Variants in CGN observed in about 807,000 individuals in gnomAD.
The protein encoded by CGN is cingulin.
A neutral mutation model predicts 157.1 loss-of-function variants in CGN; 121 were observed. The ratio of observed to expected loss-of-function variants is 0.77; its 90% CI spans 0.66 to 0.90. The LOEUF (loss-of-function observed/expected upper bound fraction) is 0.90, where lower values mean the gene tolerates loss of function less well. Ranked by LOEUF, CGN falls within the 40% of genes least tolerant of loss-of-function variation. The pLI is 0.00. For synonymous variants in CGN, 535 were observed against 607.5 expected, an observed-to-expected ratio of 0.88 and a Z score of 1.76; for missense variants, 1,424 against 1,520.9, an observed-to-expected ratio of 0.94 and a Z score of 1.06.
chr1:151,537,216 C>G lies in CGN; in HGVS notation c.3482C>G (p.Ser1161Cys), dbSNP rs1050412001. The change falls in exon 21 of 21, where the codon TCC becomes TGC. Residue 1161 changes from serine (S) to cysteine (C), a missense_variant. By Grantham distance (112) the Ser-to-Cys change is moderately radical (BLOSUM62 -1). Coordinates refer to ENST00000271636, the MANE Select transcript of CGN (RefSeq NM_020770.3). ...SLEKDSWRKASRSAAESALKN... is the reference protein window; with the variant it reads ...SLEKDSWRKACRSAAESALKN... Reference sequence around the variant, plus strand: ...TCTCTCTGAGTCAGGCGCAAAGCTTCCCGCTCAGCTGCTGAGTCAGCTCTC... The same window carrying G: ...TCTCTCTGAGTCAGGCGCAAAGCTTGCCGCTCAGCTGCTGAGTCAGCTCTC... The G allele has an allele frequency of 2.5e-6, 4 of 1,613,726 alleles. No individual in the cohort carries two copies. The highest frequency in any genetic ancestry group is 1.7e-4 in the Middle Eastern group (1 of 6,058).
Position 151,529,937 on chromosome 1 carries a change from C to T in CGN, c.2135C>T (p.Thr712Ile). Residue 712 changes from threonine (T) to isoleucine (I), a missense_variant, in exon 12 of 21, where the codon ACA (threonine) becomes ATA (isoleucine). By Grantham distance (89) the Thr-to-Ile change is moderately conservative. Coordinates refer to ENST00000271636, the MANE Select transcript of CGN (RefSeq NM_020770.3). ...KAKMVAEAEA[T>I]VLGQRRAAVE... Reference sequence around the variant, plus strand: ...AAGATGGTGGCCGAGGCAGAGGCAACAGTGCTGGGGCAGCGGCGGGCCGCA... The same window carrying T: ...AAGATGGTGGCCGAGGCAGAGGCAATAGTGCTGGGGCAGCGGCGGGCCGCA... The T allele has an allele frequency of 6.2e-7, 1 of 1,614,076 alleles. No homozygotes were observed.
chr1:151,519,432 C>T lies in CGN; in HGVS notation c.873+40C>T, dbSNP rs746328738. ...CTCCCTGACTTCTAAATGTCAGCCC[C>T]TTCTCCCTTCTCATCAGCTTTTACC... On this transcript the variant is annotated intron_variant, in intron 2 of 20. Coordinates refer to ENST00000271636, the MANE Select transcript of CGN (RefSeq NM_020770.3). The T allele has an allele frequency of 8.6e-6, 13 of 1,505,564 alleles. No individual in the cohort carries two copies. The African/African-American group carries it at 1.5e-4, about 18-fold the overall frequency. 93.3% of individuals were successfully genotyped at this position (1,505,564 alleles called of 1,614,324 possible). A position where few individuals can be genotyped will look rare whatever the true frequency, so the allele number is the denominator to read the frequency against.
upstream of CGN, chr1:151,510,436 G>A (rs985770144): frequency 7.9e-5 from 12 of 152,284 alleles, no homozygotes; most frequent in Middle Eastern, 3.4e-3. Flanking sequence ...CAGCTTTAAT[G>A]TTGTTTTAAC....
intron 14 of CGN, among the ~76,000 whole-genome samples, chr1:151,532,995 G>A (rs1664874311): frequency 6.6e-6 from 1 of 152,182 alleles, no homozygotes; most frequent in Admixed American, 6.5e-5. Flanking sequence ...TTGCAGGGTG[G>A]AGGAATATAT....
intron 10 of CGN, among the ~76,000 whole-genome samples, chr1:151,528,357 T>G (rs1252544588): frequency 6.6e-6 from 1 of 151,928 alleles, no homozygotes; most frequent in African/African-American, 2.4e-5. Flanking sequence ...TCATGGTATT[T>G]TTTTTTTTAT....
At chr1:151,534,684 TGC>T (rs1274600257) in intron 15 of CGN, 3 of 278,986 alleles carry the variant, frequency 1.1e-5, no homozygotes, top group Non-Finnish European at 2.1e-5. Context: ...TACGTGGTAC[TGC>T]CTCCAGTACC....
Position 151,524,058 on chromosome 1 carries a change from A to G in CGN, c.1269-168A>G, listed in dbSNP as rs1055685082. 6.6e-6 allele frequency among the ~76,000 whole-genome samples: 1 copy of G among 152,238 alleles called. No individual in the cohort carries two copies. The highest frequency in any genetic ancestry group is 6.5e-5 in the Admixed American group (1 of 15,288). On this transcript the variant is annotated intron_variant, in intron 6 of 20. Coordinates refer to ENST00000271636, the MANE Select transcript of CGN (RefSeq NM_020770.3). This position sits in a 1 kb window ranked among gnomAD's most constrained non-coding sequence, Gnocchi z 4.4. ...GGCAGTAAATACAACAGGGTAAGGC[A>G]GATCAGGAGGGCCAGGTTGTAGCGG... is the stretch of plus-strand genomic sequence containing the variant.
upstream of CGN, chr1:151,511,023 C>G (rs2102482599): frequency 6.6e-6 from 1 of 152,378 alleles, no homozygotes; most frequent in South Asian, 2.1e-4. The surrounding 1 kb of genome is among the most constrained non-coding windows in gnomAD (Gnocchi z 4.8). Context: ...CAGAAAGGGC[C>G]CTGGCCGGCG....
intron 15 of CGN, chr1:151,534,749 T>C (rs1316169256): frequency 8.6e-6 from 3 of 349,802 alleles, no homozygotes. Context: ...TGGGTTTCTC[T>C]CTCTTTTCCC....
chr1:151,537,476 C>A lies in CGN; in HGVS notation c.*130C>A. 2 of 690,636 alleles carry A rather than the reference C, an allele frequency of 2.9e-6. No individual in the cohort carries two copies. Among genetic ancestry groups the A allele is most frequent in the South Asian group, 4.8e-5 (2 of 42,010 alleles). The allele number at this position is 690,636 out of a possible 1,614,324, so 42.8% of individuals were successfully genotyped here. On this transcript the variant is annotated 3_prime_UTR_variant, in exon 21 of 21. Coordinates refer to ENST00000271636, the MANE Select transcript of CGN (RefSeq NM_020770.3). Reference sequence around the variant, plus strand: ...ATTCAGACCTAAGACAGGGAGGGGTCAGAGTGATGGTGATAAAAAAAAAAA... The same window carrying A: ...ATTCAGACCTAAGACAGGGAGGGGTAAGAGTGATGGTGATAAAAAAAAAAA...
intron 9 of CGN, 85 bp downstream of exon 9, chr1:151,525,875 T>A: frequency 1.0e-6 from 1 of 984,500 alleles, no homozygotes; most frequent in Non-Finnish European, 1.3e-6. Flanking sequence ...TAATTTTAAT[T>A]TTAATTTATT....
chr1:151,530,209 T>C (rs1664802808), intron 12 of CGN, 94 bp downstream of exon 12: 1 of 1,375,316 alleles, frequency 7.3e-7, no homozygotes, highest in Non-Finnish European at 1.0e-6. Context: ...TTGCCCTTAG[T>C]GTGCATCTGT....
rs770188428 is a variant in CGN at position 151,523,611 on chromosome 1, G to A, written c.1268+50G>A. On this transcript the variant is annotated intron_variant, in intron 6 of 20. Transcript: ENST00000271636. ...CGGGCTGCTTGGGGGCCTAGGCCAG[G>A]TTTAGAGGCCACTCCCTCTTTGCCC... The A allele has an allele frequency of 2.6e-6, 4 of 1,517,472 alleles. No individual in the cohort carries two copies. The South Asian group carries it at 5.2e-5, about 20-fold the overall frequency. The allele number at this position is 1,517,472 out of a possible 1,614,324, so 94.0% of individuals were successfully genotyped here.
rs536420150 is a variant in CGN, at chr1:151,530,034, G to C, written c.2232G>C (p.Gln744His). 1 of 1,614,198 alleles carries C rather than the reference G, an allele frequency of 6.2e-7. No homozygotes were observed. The highest frequency in any genetic ancestry group is 1.1e-5 in the South Asian group (1 of 91,084). The change falls in exon 12 of 21, where the codon CAG (glutamine) becomes CAC (histidine). Residue 744 changes from glutamine (Q) to histidine (H), a missense_variant. Physicochemically the swap from Gln to His is conservative, Grantham distance 24. This residue lies in a region of CGN where 1,187 missense variants were observed against 1,217.6 expected (regional missense o/e 0.97). Transcript: ENST00000271636. ...EFRRRILGLEQQLKETRGLVD... is the reference protein window; with the variant it reads ...EFRRRILGLEHQLKETRGLVD... ...GCCGGCGCATCCTGGGTTTGGAGCA[G>C]CAGCTGAAGGAGACTCGAGGTCTGG...
At position 151,524,163 on chromosome 1, in the gene CGN, A is replaced by G. The variant is rs903297996; in HGVS notation, c.1269-63A>G. 3.0e-5 allele frequency: 41 copies of G among 1,375,036 alleles called. No individual in the cohort carries two copies. Among genetic ancestry groups the G allele is most frequent in the Middle Eastern group, 1.8e-4 (1 of 5,522 alleles). The allele number at this position is 1,375,036 out of a possible 1,614,324, so 85.2% of individuals were successfully genotyped here. On this transcript the variant is annotated intron_variant, in intron 6 of 20. Coordinates refer to ENST00000271636, the MANE Select transcript of CGN (RefSeq NM_020770.3). The surrounding 1 kb of genome is among the most constrained non-coding windows in gnomAD (Gnocchi z 4.4). ...AAATGCATTAATAAATATGAATTAAAATATATGATGCGTTTAGAGAACTGC... is the reference window on the plus strand; with the variant it reads ...AAATGCATTAATAAATATGAATTAAGATATATGATGCGTTTAGAGAACTGC...
At chr1:151,529,865 C>T in intron 11 of CGN, 44 bp from the exon 12 acceptor site, 4 of 1,571,338 alleles carry the variant, frequency 2.5e-6, no homozygotes, top group Non-Finnish European at 3.5e-6. Context: ...GTCTGAGCTG[C>T]CACGCCCTGG....
Position 151,524,945 on chromosome 1 carries a change from T to C in CGN, c.1614+59T>C. On this transcript the variant is annotated intron_variant, in intron 8 of 20. Transcript: ENST00000271636. This position sits in a 1 kb window ranked among gnomAD's most constrained non-coding sequence, Gnocchi z 4.4. ...GCACTGCTGGAGAACAAGGCTGCCT[T>C]GGGATCTTGGACTTTTGGACTTTTC... is the stretch of plus-strand genomic sequence containing the variant. 1.4e-6 allele frequency: 2 copies of C among 1,443,848 alleles called. No individual in the cohort carries two copies. The highest frequency in any genetic ancestry group is 1.9e-6 in the Non-Finnish European group (2 of 1,049,188). The allele number at this position is 1,443,848 out of a possible 1,614,324, so 89.4% of individuals were successfully genotyped here. A position where few individuals can be genotyped will look rare whatever the true frequency, so the allele number is the denominator to read the frequency against.
intron 3 of CGN, 29 bp downstream of exon 3, chr1:151,520,295 G>A: frequency 6.3e-7 from 1 of 1,579,086 alleles, no homozygotes; most frequent in South Asian, 1.1e-5. Context: ...AACAACAGAG[G>A]CATACCCCTC....
chr1:151,531,817 TG>T (rs1664842494), intron 13 of CGN, among the ~76,000 whole-genome samples: 1 of 149,792 alleles, frequency 6.7e-6, no homozygotes, highest in South Asian at 2.1e-4. Context: ...TTTTATCATT[TG>T]TCAATGAAAA....
Sources: allele counts gnomAD v4.1 joint callset (sites outside exome capture counted in the v4.1 genomes callset), GRCh38; gene constraint gnomAD v4.1.1; regional missense constraint gnomAD v4.1.1; non-coding constraint Gnocchi (gnomAD v3.1); transcripts MANE v1.5; gene names NCBI Gene and HGNC (gene_info 2026-07-23, HGNC 2026-07-21).